The following GLRX3 variants were observed in gnomAD, a reference collection of about 807,000 sequenced individuals.
GLRX3 encodes the protein glutaredoxin 3, also known as glutaredoxin-3.
A neutral mutation model predicts 49.5 loss-of-function variants in GLRX3; 22 were observed. The observed-to-expected ratio is 0.44, with a 90% CI of 0.32 to 0.63. The LOEUF is 0.63. Ranked by LOEUF, GLRX3 falls within the 30% of genes least tolerant of loss-of-function variation. The pLI is 0.05. For synonymous variants in GLRX3, 133 were observed against 140.0 expected, an observed-to-expected ratio of 0.95 and a Z score of 0.35; for missense variants, 385 against 396.3, an observed-to-expected ratio of 0.97 and a Z score of 0.24.
At chr10:130,150,848 G>C (rs1442150009) in intron 2 of GLRX3, among the ~76,000 whole-genome samples, 3 of 152,004 alleles carry the variant, frequency 2.0e-5, no homozygotes, top group African/African-American at 7.3e-5. Context: ...AATTTATTTG[G>C]CATCTTAAGA....
intron 1 of GLRX3, among the ~76,000 whole-genome samples, chr10:130,143,104 AC>A (rs1291295717): frequency 6.6e-6 from 1 of 152,210 alleles, no homozygotes; most frequent in Non-Finnish European, 1.5e-5. Flanking sequence ...GCATAGTGCC[AC>A]CACTAGCCAT....
chr10:130,171,962 C>A (rs1478553049), intron 8 of GLRX3, among the ~76,000 whole-genome samples: 6 of 151,842 alleles, frequency 4.0e-5, no homozygotes, highest in African/African-American at 1.5e-4. Context: ...AAGACCCTGT[C>A]TCAAAAAAAA....
chr10:130,171,754 C>G, intron 8 of GLRX3, 118 bp downstream of exon 8: 1 of 708,816 alleles, frequency 1.4e-6, no homozygotes. Flanking sequence ...TTGCTTGAGC[C>G]CAGGTGTTCG....
chr10:130,167,768 G>A (rs143805229), intron 6 of GLRX3, among the ~76,000 whole-genome samples: 10 of 152,188 alleles, frequency 6.6e-5, no homozygotes, highest in African/African-American at 9.6e-5. Flanking sequence ...TTTGTCTGTC[G>A]TTAATTAATA....
In GLRX3 at chr10:130,157,152, G is replaced by C. The variant is rs977534468; in HGVS notation, c.202-2843G>C. Among the ~76,000 whole-genome samples, 5 of 152,236 alleles carry C rather than the reference G, an allele frequency of 3.3e-5. No individual in the cohort carries two copies. The South Asian group carries it at 1.0e-3, about 32-fold the overall frequency. ...GATGAGAGGGGATTTAGGAGGCTGAGAAGTCTCACCATCTGCCCTCCACAT... is the reference window on the plus strand; with the variant it reads ...GATGAGAGGGGATTTAGGAGGCTGACAAGTCTCACCATCTGCCCTCCACAT... On this transcript the variant is annotated intron_variant, in intron 2 of 10. Transcript: ENST00000331244.
At chr10:130,137,751 T>C (rs78042996) in intron 1 of GLRX3, among the ~76,000 whole-genome samples, 3,752 of 152,308 alleles carry the variant, frequency 0.025, 60 homozygotes, top group Non-Finnish European at 0.042. Flanking sequence ...TGTTTTGTTT[T>C]TGAGACAGGG....
chr10:130,166,507 GT>G lies in GLRX3; in HGVS notation c.482del (p.Phe161SerfsTer50). The G allele has an allele frequency of 6.2e-7, 1 of 1,611,518 alleles. No homozygotes were observed. The highest frequency in any genetic ancestry group is 8.5e-7 in the Non-Finnish European group (1 of 1,177,988). ...GCTTTATTTCTTTTTTTGTGTACAG[GT>G]TTCAGCAAGCAGATGGTGGAAATTC... ...MKGTPQEPRC[G>X]FSKQMVEILH... is the part of the protein sequence containing the mutation. On this transcript the variant is annotated frameshift_variant and splice_region_variant, in exon 5 of 11. Transcript: ENST00000331244. LOFTEE classifies it high-confidence loss of function.
intron 4 of GLRX3, among the ~76,000 whole-genome samples, chr10:130,162,240 A>G (rs1862588959): frequency 6.6e-6 from 1 of 152,184 alleles, no homozygotes; most frequent in Admixed American, 6.5e-5. Flanking sequence ...TTGGCCTCCC[A>G]AAGTGCTGCT....
chr10:130,144,198 A>C (rs1337772046), intron 1 of GLRX3, among the ~76,000 whole-genome samples: 1 of 152,026 alleles, frequency 6.6e-6, no homozygotes, highest in Non-Finnish European at 1.5e-5. Flanking sequence ...ATGTGTCTAC[A>C]ACCATTTTTC....
intron 7 of GLRX3, among the ~76,000 whole-genome samples, chr10:130,169,809 A>G (rs182605857): frequency 2.0e-5 from 3 of 152,350 alleles, no homozygotes; most frequent in Admixed American, 2.0e-4. Context: ...GGACTGCTGA[A>G]GTGTGCAGCT....
chr10:130,147,551 G>A (rs1862292405), intron 2 of GLRX3, among the ~76,000 whole-genome samples: 1 of 152,192 alleles, frequency 6.6e-6, no homozygotes, highest in East Asian at 1.9e-4. Flanking sequence ...GATGATGACA[G>A]CGTAAGATTG....
chr10:130,157,493 G>C (rs920381068), intron 2 of GLRX3, among the ~76,000 whole-genome samples: 90 of 5,972 alleles, frequency 0.015, 2 homozygotes, highest in Middle Eastern at 0.083. Context: ...GGTGGCCGCC[G>C]CCCCCCCCCC....
chr10:130,173,157 C>G (rs544751906), intron 8 of GLRX3, among the ~76,000 whole-genome samples: 1 of 152,286 alleles, frequency 6.6e-6, no homozygotes, highest in South Asian at 2.1e-4. Context: ...ACAGTCCATC[C>G]CTCTCTAGCA....
chr10:130,166,320 T>C (rs964986965), intron 4 of GLRX3, among the ~76,000 whole-genome samples, 187 bp from the exon 5 acceptor site: 13 of 151,754 alleles, frequency 8.6e-5, no homozygotes, highest in Non-Finnish European at 1.2e-4. Flanking sequence ...TGGTTCAAGG[T>C]CAAATAAGGG....
chr10:130,154,641 A>T (rs1380068803), intron 2 of GLRX3, among the ~76,000 whole-genome samples: 3 of 152,004 alleles, frequency 2.0e-5, no homozygotes, highest in Non-Finnish European at 4.4e-5. Flanking sequence ...GTTCCTGAAT[A>T]GCAGGTTTAA....
intron 10 of GLRX3, among the ~76,000 whole-genome samples, chr10:130,178,867 C>A (rs1024465069): frequency 3.3e-5 from 5 of 152,128 alleles, no homozygotes; most frequent in African/African-American, 1.2e-4. Context: ...CCATGCCCAA[C>A]TGATTTTTGT....
intron 2 of GLRX3, among the ~76,000 whole-genome samples, chr10:130,150,433 G>T (rs908359421): frequency 1.1e-4 from 16 of 152,076 alleles, no homozygotes; most frequent in African/African-American, 3.9e-4. Flanking sequence ...TTACCAGCTA[G>T]CTGGTTGGTG....
intron 2 of GLRX3, among the ~76,000 whole-genome samples, chr10:130,148,134 G>T (rs1382503043): frequency 6.6e-6 from 1 of 152,106 alleles, no homozygotes; most frequent in Admixed American, 6.6e-5. Flanking sequence ...GTGTCTATTT[G>T]ATTTCTTAGT....
At chr10:130,171,560 C>G (rs1413579205) in intron 7 of GLRX3, 24 bp from the exon 8 acceptor site, 2 of 1,388,820 alleles carry the variant, frequency 1.4e-6, no homozygotes, top group African/African-American at 2.8e-5. Flanking sequence ...AAATTGTAAT[C>G]TTTGCAAATT....
Sources: allele counts gnomAD v4.1 joint callset (sites outside exome capture counted in the v4.1 genomes callset), GRCh38; gene constraint gnomAD v4.1.1; transcripts MANE v1.5; gene names NCBI Gene and HGNC (gene_info 2026-07-23, HGNC 2026-07-21).